The following TUBGCP3 variants were observed in gnomAD, a reference collection of about 807,000 sequenced individuals.
TUBGCP3 encodes gamma-tubulin complex component 3.
A neutral mutation model predicts 123.1 loss-of-function variants in TUBGCP3; 50 were observed. That is an observed-to-expected ratio of 0.41 (90% CI 0.32 to 0.51). The LOEUF (loss-of-function observed/expected upper bound fraction) is 0.51, where lower values mean the gene tolerates loss of function less well. Ranked by LOEUF, TUBGCP3 falls within the 20% of genes least tolerant of loss-of-function variation. TUBGCP3 has a pLI of 0.36. For synonymous variants in TUBGCP3, 405 were observed against 413.9 expected (o/e 0.98, Z 0.26); for missense variants, 882 against 1,127.0 (o/e 0.78, Z 3.11).
chr13:112,540,037 A>C (rs1447773466), intron 11 of TUBGCP3, among the ~76,000 whole-genome samples: 4 of 131,870 alleles, frequency 3.0e-5, no homozygotes, highest in Non-Finnish European at 6.4e-5. Context: ...GTAGCCTATG[A>C]GCATTCAGGT....
intron 11 of TUBGCP3, among the ~76,000 whole-genome samples, chr13:112,529,264 G>A (rs898194452): frequency 3.3e-5 from 5 of 152,244 alleles, no homozygotes; most frequent in Middle Eastern, 3.4e-3. Context: ...TTTACTGGCC[G>A]AGCCGGCCCC....
Position 112,486,167 on chromosome 13 carries a change from A to C in TUBGCP3, c.2566-16T>G. The C allele has an allele frequency of 8.1e-6, 13 of 1,610,286 alleles. No homozygotes were observed. Among genetic ancestry groups the C allele is most frequent in the Non-Finnish European group, 1.1e-5 (13 of 1,178,294 alleles). ...GCACGATACCCTAAAAAGAAGCAAA[A>C]GGAGTAAAATATTGTTTCAGAAAAG... On this transcript the variant is annotated splice_polypyrimidine_tract_variant and intron_variant, in intron 21 of 21. Coordinates refer to ENST00000261965, the MANE Select transcript of TUBGCP3 (RefSeq NM_006322.6).
chr13:112,559,637 TC>T (rs1312669315), intron 3 of TUBGCP3, among the ~76,000 whole-genome samples: 1 of 152,118 alleles, frequency 6.6e-6, no homozygotes, highest in Non-Finnish European at 1.5e-5. Context: ...AGCTCTAAAG[TC>T]CCCAAGAAGA....
chr13:112,599,270 A>G, the TUBGCP3 span, among the ~76,000 whole-genome samples: 1 of 152,074 alleles, frequency 6.6e-6, no homozygotes, highest in Non-Finnish European at 1.5e-5. Flanking sequence ...TTTTCTTTCC[A>G]TACTGTAGTC....
At chr13:112,559,423 A>G in intron 3 of TUBGCP3, 24 bp from the exon 4 acceptor site, 1 of 1,575,922 alleles carries the variant, frequency 6.3e-7, no homozygotes, top group Non-Finnish European at 8.7e-7. Flanking sequence ...AGTTAATATT[A>G]AAAGAACGAT....
chr13:112,506,178 T>C (rs1197485883), intron 17 of TUBGCP3, among the ~76,000 whole-genome samples: 1 of 152,120 alleles, frequency 6.6e-6, no homozygotes, highest in Non-Finnish European at 1.5e-5. Context: ...TGGAGAAAAT[T>C]CATTTGTTAA....
Position 112,516,500 on chromosome 13 carries a change from T to C in TUBGCP3, c.2026A>G (p.Ile676Val), listed in dbSNP as rs779852968. 2 of 1,613,964 alleles carry C rather than the reference T, an allele frequency of 1.2e-6. No individual in the cohort carries two copies. The highest frequency in any genetic ancestry group is 1.7e-6 in the Non-Finnish European group (2 of 1,179,986). ...TGTCCCTTCCGTATGTCAGTGAGGA[T>C]GTATTCCATCCGCTTCGCCCTCCAG... ...FLWRAKRMEY[I>V]LTDIRKGHMC... The change falls in exon 17 of 22, where the codon ATC becomes GTC. Residue 676 changes from isoleucine to valine, a missense_variant. Ile to Val is a conservative substitution (Grantham distance 29, BLOSUM62 3). This residue lies in a region of TUBGCP3 where 713 missense variants were observed against 874.0 expected (regional missense o/e 0.82). Coordinates refer to ENST00000261965, the MANE Select transcript of TUBGCP3 (RefSeq NM_006322.6).
At chr13:112,587,685 G>C (rs1464775094) in intron 1 of TUBGCP3, among the ~76,000 whole-genome samples, 8 of 140,856 alleles carry the variant, frequency 5.7e-5, no homozygotes, top group South Asian at 2.3e-4. Flanking sequence ...CCTCCGCCCC[G>C]GTCCTGGCCC....
intron 1 of TUBGCP3, among the ~76,000 whole-genome samples, chr13:112,569,761 T>G (rs1165008449): frequency 1.3e-5 from 2 of 151,344 alleles, no homozygotes; most frequent in African/African-American, 4.9e-5. Flanking sequence ...GATAAAGGAG[T>G]TTTTAAAACT....
In TUBGCP3 at chr13:112,486,257, G is replaced by C. The variant is rs1879664958; in HGVS notation, c.2566-106C>G. ...TGGGTTGGGTCTGTTTTTCCTTCCA[G>C]ATCAACAGGCCCTTAGTAAATGCCC... On this transcript the variant is annotated intron_variant, in intron 21 of 21. Coordinates refer to ENST00000261965, the MANE Select transcript of TUBGCP3 (RefSeq NM_006322.6). The C allele has an allele frequency of 2.2e-6, 3 of 1,370,830 alleles. No homozygotes were observed. The Admixed American group carries it at 6.9e-5, about 31-fold the overall frequency. The allele number at this position is 1,370,830 out of a possible 1,614,324, so 84.9% of individuals were successfully genotyped here. A position where few individuals can be genotyped will look rare whatever the true frequency, so the allele number is the denominator to read the frequency against.
At chr13:112,603,851 G>A in the TUBGCP3 span, 3 of 152,332 alleles carry the variant, frequency 2.0e-5, no homozygotes, top group Admixed American at 6.5e-5. Flanking sequence ...AAGGAGGAAG[G>A]GAGAAGAGGG....
At chr13:112,504,547 CAT>C (rs3832905) in intron 18 of TUBGCP3, 77 bp downstream of exon 18, 34,205 of 791,302 alleles carry the variant, frequency 0.043, 106 homozygotes, top group African/African-American at 0.074. Flanking sequence ...CATACATACA[CAT>C]ATATATATAT....
In TUBGCP3 at chr13:112,524,831, AT is replaced by A. The variant is rs1876918289; in HGVS notation, c.1555+2110del. ...CCTGACTTTTAACCAGAGTTTCAGT[AT>A]AGCATTTCCAATACATGCTGGAAGC... On this transcript the variant is annotated intron_variant, in intron 13 of 21. Coordinates refer to ENST00000261965, the MANE Select transcript of TUBGCP3 (RefSeq NM_006322.6). The surrounding 1 kb of genome is among the most constrained non-coding windows in gnomAD (Gnocchi z 4.4). Among the ~76,000 whole-genome samples, 1 of 152,206 alleles carries A rather than the reference AT, an allele frequency of 6.6e-6. No individual in the cohort carries two copies. The highest frequency in any genetic ancestry group is 2.4e-5 in the African/African-American group (1 of 41,456).
At chr13:112,529,686 C>T (rs1877418491) in intron 11 of TUBGCP3, among the ~76,000 whole-genome samples, 1 of 152,166 alleles carries the variant, frequency 6.6e-6, no homozygotes, top group Admixed American at 6.5e-5. Flanking sequence ...TCCAAGGAGC[C>T]CTACTTCCTT....
intron 14 of TUBGCP3, chr13:112,521,527 G>A: frequency 3.4e-6 from 1 of 295,204 alleles, no homozygotes; most frequent in South Asian, 1.3e-4. Context: ...GGGCCCACAA[G>A]CTACTGCAGC....
At chr13:112,569,689 G>A (rs1035219396) in intron 1 of TUBGCP3, among the ~76,000 whole-genome samples, 2 of 152,160 alleles carry the variant, frequency 1.3e-5, no homozygotes, top group African/African-American at 2.4e-5. Context: ...TTCACCTCTA[G>A]ATGAAGATGA....
Position 112,558,399 on chromosome 13 carries a change from A to G in TUBGCP3, c.345T>C (p.Ala115=), listed in dbSNP as rs781600132. Residue 115 remains alanine, a synonymous_variant, in exon 5 of 22, where the codon GCT becomes GCC. Coordinates refer to ENST00000261965, the MANE Select transcript of TUBGCP3 (RefSeq NM_006322.6). ...TTGGTAAGGCCTGAGCAAATAACGT[A>G]GCATAGCTAGAAACCTGAAAAGAGA... The part of the protein sequence containing the change: ...RRQPSKVSSY[A]TLFAQALPRD... 7 of 1,566,692 alleles carry G rather than the reference A, an allele frequency of 4.5e-6. No homozygotes were observed. The East Asian group carries it at 1.6e-4, about 36-fold the overall frequency.
intron 11 of TUBGCP3, among the ~76,000 whole-genome samples, chr13:112,544,321 G>A (rs542706010): frequency 7.9e-5 from 12 of 151,866 alleles, no homozygotes; most frequent in East Asian, 5.8e-4. Context: ...GCATGGTGGC[G>A]GGCACCTGTA....
At chr13:112,530,794 G>A (rs1476633001) in intron 11 of TUBGCP3, among the ~76,000 whole-genome samples, 1 of 152,046 alleles carries the variant, frequency 6.6e-6, no homozygotes, top group Non-Finnish European at 1.5e-5. Flanking sequence ...CTACGCATAC[G>A]ATACACACAA....
Sources: gnomAD v4.1 joint callset for allele counts (sites outside exome capture counted in the v4.1 genomes callset) on GRCh38, gnomAD v4.1.1 for gene constraint, gnomAD v4.1.1 regional missense constraint, Gnocchi (gnomAD v3.1) non-coding constraint, MANE v1.5 for transcripts, NCBI Gene and HGNC (gene_info 2026-07-23, HGNC 2026-07-21) for gene names.